FARS2: variants seen among roughly 807,000 people sequenced by gnomAD.
The protein encoded by FARS2 is phenylalanine--tRNA ligase, mitochondrial.
FARS2 carries 40 observed loss-of-function variants against 46.4 expected under a neutral mutation model. The ratio of observed to expected loss-of-function variants is 0.86; its 90% CI spans 0.67 to 1.12. The LOEUF is 1.12. Among genes scored for constraint, FARS2 ranks in the 50% most tolerant of loss-of-function variants. FARS2 has a pLI of 0.00. For synonymous variants in FARS2, 234 were observed against 214.9 expected (o/e 1.09, Z -0.78); for missense variants, 513 against 567.9 (o/e 0.90, Z 0.98).
intron 5 of FARS2, among the ~76,000 whole-genome samples, chr6:5,606,816 T>G (rs1307518246): frequency 6.6e-6 from 1 of 152,160 alleles, no homozygotes; most frequent in East Asian, 1.9e-4. Context: ...CTTGGGCACC[T>G]TCCAGTATTT....
chr6:5,672,391 C>A (rs1041193608), intron 6 of FARS2, among the ~76,000 whole-genome samples: 31 of 152,204 alleles, frequency 2.0e-4, no homozygotes, highest in African/African-American at 7.0e-4. Context: ...GCCAGTGTTC[C>A]TCCCACTGTA....
intron 4 of FARS2, among the ~76,000 whole-genome samples, chr6:5,455,736 C>CA (rs34848843): frequency 0.72 from 109,825 of 151,996 alleles, 39,994 homozygotes; most frequent in East Asian, 0.92. Flanking sequence ...TACTCAGCAT[C>CA]GGAGGCCTGG....
chr6:5,572,177 A>T, intron 5 of FARS2, among the ~76,000 whole-genome samples: 1 of 152,152 alleles, frequency 6.6e-6, no homozygotes, highest in Non-Finnish European at 1.5e-5. Context: ...TCTGCTGGCT[A>T]TTCAGGAAGC....
intron 4 of FARS2, among the ~76,000 whole-genome samples, chr6:5,494,154 G>C (rs146397306): frequency 1.3e-4 from 20 of 150,430 alleles, no homozygotes; most frequent in African/African-American, 4.6e-4. Flanking sequence ...TGTCAAGTAG[G>C]CTTTGTGAGG....
chr6:5,746,859 T>C (rs1194506732), intron 6 of FARS2, among the ~76,000 whole-genome samples: 2 of 152,156 alleles, frequency 1.3e-5, no homozygotes, highest in Admixed American at 6.5e-5. Context: ...TCTGTGCATG[T>C]ACAGCTGGCA....
intron 4 of FARS2, among the ~76,000 whole-genome samples, chr6:5,496,367 A>G (rs2150371260): frequency 6.6e-6 from 1 of 152,300 alleles, no homozygotes; most frequent in East Asian, 1.9e-4. Flanking sequence ...ATATTTTGTC[A>G]TCGAGAGGGA....
intron 6 of FARS2, among the ~76,000 whole-genome samples, chr6:5,669,713 G>T (rs1183898840): frequency 1.3e-5 from 2 of 152,164 alleles, no homozygotes; most frequent in Non-Finnish European, 2.9e-5. Flanking sequence ...TTGGCCTCCT[G>T]ATGGCAAACA....
chr6:5,692,010 G>GT (rs2150865068), intron 6 of FARS2, among the ~76,000 whole-genome samples: 1 of 152,356 alleles, frequency 6.6e-6, no homozygotes, highest in Non-Finnish European at 1.5e-5. Context: ...TAATCTCCTG[G>GT]TGTGCTGTTT....
chr6:5,512,985 T>C (rs1768550127), intron 4 of FARS2, among the ~76,000 whole-genome samples: 1 of 150,852 alleles, frequency 6.6e-6, no homozygotes, highest in Non-Finnish European at 1.5e-5. Flanking sequence ...AAAGTGTCCT[T>C]GTCTGATTTT....
intron 5 of FARS2, among the ~76,000 whole-genome samples, chr6:5,583,635 T>C (rs1024764037): frequency 6.6e-6 from 1 of 152,244 alleles, no homozygotes; most frequent in African/African-American, 2.4e-5. Flanking sequence ...AAGCATTTTA[T>C]GTATTTTTTA....
At chr6:5,394,767 G>GTT (rs145074799) in intron 2 of FARS2, among the ~76,000 whole-genome samples, 3 of 150,212 alleles carry the variant, frequency 2.0e-5, no homozygotes, top group African/African-American at 7.4e-5. Flanking sequence ...AAGGGACAGT[G>GTT]TTTTTTTTTA....
intron 4 of FARS2, among the ~76,000 whole-genome samples, chr6:5,470,238 G>C (rs934811196): frequency 1.3e-5 from 2 of 152,106 alleles, no homozygotes; most frequent in African/African-American, 4.8e-5. Flanking sequence ...AAAAATGCAA[G>C]TAAAAAACAA....
At chr6:5,381,063 C>T (rs1371922166) in intron 2 of FARS2, among the ~76,000 whole-genome samples, 1 of 151,080 alleles carries the variant, frequency 6.6e-6, no homozygotes, top group Non-Finnish European at 1.5e-5. Flanking sequence ...TGCAGTGGCG[C>T]GATCTTGGCT....
chr6:5,376,207 A>G (rs377720778), intron 2 of FARS2, among the ~76,000 whole-genome samples: 10 of 152,158 alleles, frequency 6.6e-5, no homozygotes, highest in Non-Finnish European at 1.3e-4. Context: ...TGCTTTTACT[A>G]TTCTTTAAAC....
intron 5 of FARS2, among the ~76,000 whole-genome samples, chr6:5,574,169 T>C (rs957678099): frequency 1.1e-4 from 16 of 152,204 alleles, no homozygotes; most frequent in African/African-American, 2.4e-5. Context: ...TCTCACTCTG[T>C]CATCCAGGCT....
intron 6 of FARS2, among the ~76,000 whole-genome samples, chr6:5,758,090 A>C (rs1271050970): frequency 6.6e-6 from 1 of 152,188 alleles, no homozygotes; most frequent in Non-Finnish European, 1.5e-5. Context: ...ATGTGCCATA[A>C]CTGTGATACA....
At chr6:5,296,360 C>G (rs986830138) in intron 1 of FARS2, among the ~76,000 whole-genome samples, 30 of 152,114 alleles carry the variant, frequency 2.0e-4, no homozygotes, top group East Asian at 3.9e-4. Context: ...CCAGGATGGT[C>G]TCGATCTCCT....
intron 6 of FARS2, among the ~76,000 whole-genome samples, chr6:5,725,313 G>A (rs1049566802): frequency 6.6e-6 from 1 of 152,244 alleles, no homozygotes; most frequent in African/African-American, 2.4e-5. Context: ...GAGCTTTGGA[G>A]GCAGGTTGGG....
Position 5,461,212 on chromosome 6 carries a change from G to A in FARS2, c.904+30040G>A, listed in dbSNP as rs558593164. Among the ~76,000 whole-genome samples, 3 of 151,876 alleles carry A rather than the reference G, an allele frequency of 2.0e-5. No homozygotes were observed. In the East Asian group the frequency reaches 5.8e-4, roughly 30 times the overall value. ...CACCATCACGCCTGGCTAATTTTTTGTATTTTTAATAGAGACAAAGTTTCA... is the reference window on the plus strand; with the variant it reads ...CACCATCACGCCTGGCTAATTTTTTATATTTTTAATAGAGACAAAGTTTCA... On this transcript the variant is annotated intron_variant, in intron 4 of 6. Transcript: ENST00000274680.
Sources: gnomAD v4.1 joint callset for allele counts (sites outside exome capture counted in the v4.1 genomes callset) on GRCh38, gnomAD v4.1.1 for gene constraint, MANE v1.5 for transcripts, NCBI Gene and HGNC (gene_info 2026-07-23, HGNC 2026-07-21) for gene names.